The following DMD variants were observed in gnomAD, a reference collection of about 807,000 sequenced individuals.
The protein encoded by DMD is dystrophin.
In DMD, 63 loss-of-function variants were observed where a neutral mutation model predicts 330.1. The observed-to-expected ratio is 0.19, with a 90% CI of 0.16 to 0.24. The LOEUF (loss-of-function observed/expected upper bound fraction) is 0.24. DMD is among the 10% of genes least tolerant of loss of function. The pLI is 1.00. For missense variants in DMD, 3,344 were observed against 2,684.1 expected (o/e 1.25, Z -5.43); for synonymous variants, 1,223 against 959.8 (o/e 1.27, Z -5.07).
In DMD at chrX:31,444,779, T is replaced by C; in HGVS notation, c.8938-152A>G. The C allele has an allele frequency of 8.0e-6, 5 of 628,043 alleles. No individual in the cohort carries two copies. The South Asian group carries it at 1.3e-4, about 17-fold the overall frequency. The allele number at this position is 628,043 out of a possible 1,213,427, so 51.8% of individuals were successfully genotyped here. A position where few individuals can be genotyped will look rare whatever the true frequency, so the allele number is the denominator to read the frequency against. ...TTGTGTCCCCCCTCAAATTCCTATGTTGAAATCCTAAAAAATAAAAAGGAA... is the reference window on the plus strand; with the variant it reads ...TTGTGTCCCCCCTCAAATTCCTATGCTGAAATCCTAAAAAATAAAAAGGAA... On this transcript the variant is annotated intron_variant, in intron 59 of 78. Transcript: ENST00000357033.
intron 1 of DMD, among the ~76,000 whole-genome samples, chrX:33,243,472 C>T (rs1346720666): frequency 9.0e-6 from 1 of 111,465 alleles, no homozygotes; most frequent in African/African-American, 3.3e-5. Flanking sequence ...ATTAGTACAT[C>T]TATGAAAAAT....
At chrX:33,203,266 C>T (rs2051382031) in intron 1 of DMD, among the ~76,000 whole-genome samples, 1 of 111,856 alleles carries the variant, frequency 8.9e-6, no homozygotes, top group South Asian at 3.7e-4. Context: ...TTTCATATTA[C>T]TCAACAATTC....
intron 60 of DMD, among the ~76,000 whole-genome samples, chrX:31,354,910 C>A (rs933660842): frequency 3.6e-5 from 4 of 111,517 alleles, no homozygotes; most frequent in African/African-American, 1.3e-4. Flanking sequence ...GACTTGAAAG[C>A]GTAATTCTGG....
rs1477107648 is a variant in DMD at position 32,849,810 on chromosome X, T to G, written c.104A>C (p.Gln35Pro). The G allele has an allele frequency of 5.9e-6, 7 of 1,195,830 alleles. No individual in the cohort carries two copies. The highest frequency in any genetic ancestry group is 7.9e-6 in the Non-Finnish European group (7 of 884,087). ...GTCACTGAAGAGGTTCTCAATATGCTGCTTCCCAAACTGAAATTAAAAAAA... is the reference window on the plus strand; with the variant it reads ...GTCACTGAAGAGGTTCTCAATATGCGGCTTCCCAAACTGAAATTAAAAAAA... ...VNAQFSKFGK[Q>P]HIENLFSDLQ... is the part of the protein sequence containing the mutation. Residue 35 changes from glutamine to proline, a missense_variant, in exon 3 of 79, where the codon CAG becomes CCG. Gln to Pro is a moderately conservative substitution (Grantham distance 76, BLOSUM62 -1). Coordinates refer to ENST00000357033, the MANE Select transcript of DMD (RefSeq NM_004006.3).
chrX:32,482,511 G>A (rs1235053303), intron 21 of DMD, among the ~76,000 whole-genome samples: 3 of 111,825 alleles, frequency 2.7e-5, no homozygotes, highest in Non-Finnish European at 3.8e-5. Flanking sequence ...CAGTAACACT[G>A]CCTTGTATGG....
Position 31,196,278 on chromosome X carries a change from T to A in DMD, c.9807+7683A>T, listed in dbSNP as rs183491796. ...CAGCTTTTCATGGCAGCCAGCTATC[T>A]CTATGGAAGGCTGATTGGACTATTA... On this transcript the variant is annotated intron_variant, in intron 67 of 78. Transcript: ENST00000357033. Among the ~76,000 whole-genome samples, 11 of 111,600 alleles carry A rather than the reference T, an allele frequency of 9.9e-5. 1 individual carries two copies. The Admixed American group carries it at 1.0e-3, about 11-fold the overall frequency.
intron 2 of DMD, among the ~76,000 whole-genome samples, chrX:33,004,731 C>T (rs1205094422): frequency 9.0e-6 from 1 of 110,918 alleles, no homozygotes; most frequent in Non-Finnish European, 1.9e-5. Flanking sequence ...CAATAGTTTA[C>T]TTTATAATGT....
chrX:32,539,915 A>C (rs997024407), intron 17 of DMD, among the ~76,000 whole-genome samples: 9 of 111,785 alleles, frequency 8.1e-5, no homozygotes, highest in African/African-American at 2.9e-4. Context: ...GGAGGGAAAA[A>C]ACAGACCAGG....
chrX:32,952,618 T>C (rs1440296571), intron 2 of DMD, among the ~76,000 whole-genome samples: 1 of 111,902 alleles, frequency 8.9e-6, no homozygotes, highest in Non-Finnish European at 1.9e-5. Context: ...TAGAAACCCA[T>C]TCACCACTAA....
chrX:31,422,803 T>C (rs991106987), intron 60 of DMD, among the ~76,000 whole-genome samples: 2 of 111,598 alleles, frequency 1.8e-5, no homozygotes, highest in Non-Finnish European at 3.8e-5. Flanking sequence ...GATGGCTTAT[T>C]ATTTCTATTG....
chrX:32,707,663 T>A (rs889445942), intron 7 of DMD, among the ~76,000 whole-genome samples: 1 of 112,161 alleles, frequency 8.9e-6, no homozygotes, highest in Admixed American at 9.5e-5. Context: ...AGTTTACATA[T>A]GTTAAATATA....
At chrX:33,176,586 G>A (rs1419443226) in intron 1 of DMD, among the ~76,000 whole-genome samples, 3 of 110,695 alleles carry the variant, frequency 2.7e-5, no homozygotes, top group African/African-American at 9.9e-5. Context: ...GTGTGTGTGC[G>A]CTCATGTGCA....
At chrX:32,558,319 A>ACAT (rs2050558549) in intron 16 of DMD, among the ~76,000 whole-genome samples, 1 of 112,140 alleles carries the variant, frequency 8.9e-6, no homozygotes, top group African/African-American at 3.2e-5. Context: ...GCCTTCCTCT[A>ACAT]CATACCATCT....
chrX:32,721,871 A>G (rs2066355684), intron 7 of DMD, among the ~76,000 whole-genome samples: 1 of 108,874 alleles, frequency 9.2e-6, no homozygotes, highest in African/African-American at 3.3e-5. Context: ...TGTGTACAGT[A>G]TAAGACAAGG....
intron 45 of DMD, among the ~76,000 whole-genome samples, chrX:31,959,769 GT>G (rs201621257): frequency 0.032 from 2,614 of 80,750 alleles, 38 homozygotes; most frequent in Non-Finnish European, 0.046. Context: ...CAGCACCGTG[GT>G]TTTTTTTTTT....
intron 16 of DMD, among the ~76,000 whole-genome samples, chrX:32,554,873 GGAAAGAA>G (rs2050042801): frequency 6.4e-5 from 2 of 31,176 alleles, no homozygotes; most frequent in Non-Finnish European, 6.8e-5. Context: ...AGAGAGAGAA[GGAAAGAA>G]GAAAGAAAGA....
chrX:32,346,489 A>T (rs760745508), intron 38 of DMD, among the ~76,000 whole-genome samples: 1 of 111,724 alleles, frequency 9.0e-6, no homozygotes, highest in African/African-American at 3.2e-5. Flanking sequence ...TGTATTTGTG[A>T]CTGAGATAAC....
chrX:32,684,016 C>CAT (rs1176136837), intron 9 of DMD, among the ~76,000 whole-genome samples: 1 of 76,118 alleles, frequency 1.3e-5, no homozygotes, highest in East Asian at 3.4e-4. Flanking sequence ...CACACACATA[C>CAT]ATACACACAC....
rs760633126 is a variant in DMD, at chrX:32,958,341, T to TGCA, written c.93+61795_93+61797dup. ...ATAAACAGTGCTTATCAATCACTAT[T>TGCA]GCACATTTTATTTCACTTAATTTCT... is the stretch of plus-strand genomic sequence containing the variant. On this transcript the variant is annotated intron_variant, in intron 2 of 78. Coordinates refer to ENST00000357033, the MANE Select transcript of DMD (RefSeq NM_004006.3). Among the ~76,000 whole-genome samples the TGCA allele has an allele frequency of 3.7e-4, 41 of 111,778 alleles. No homozygotes were observed. In the Admixed American group the frequency reaches 3.7e-3, roughly 10 times the overall value.
Sources: gnomAD v4.1 joint callset for allele counts (sites outside exome capture counted in the v4.1 genomes callset) on GRCh38, gnomAD v4.1.1 for gene constraint, MANE v1.5 for transcripts, NCBI Gene and HGNC (gene_info 2026-07-23, HGNC 2026-07-21) for gene names.